The following JMY variants were observed in gnomAD, a reference collection of about 807,000 sequenced individuals.
JMY encodes junction mediating and regulatory protein, p53 cofactor.
JMY carries 46 observed loss-of-function variants against 103.3 expected under a neutral mutation model. The observed-to-expected ratio is 0.45, with a 90% CI of 0.35 to 0.57. The LOEUF is 0.57. Ranked by LOEUF, JMY falls within the 20% of genes least tolerant of loss-of-function variation. The pLI is 0.00. For synonymous variants in JMY, 526 were observed against 489.3 expected (o/e 1.07, Z -0.99); for missense variants, 1,238 against 1,255.2 (o/e 0.99, Z 0.21).
At chr5:79,256,761 TC>T (rs1449610899) in intron 1 of JMY, among the ~76,000 whole-genome samples, 2 of 132,596 alleles carry the variant, frequency 1.5e-5, no homozygotes, top group Non-Finnish European at 3.2e-5. Context: ...CCTTCCTCCC[TC>T]CCCCACCCTT....
chr5:79,290,030 A>G (rs932644117), intron 2 of JMY, 91 bp from the exon 3 acceptor site: 1 of 851,522 alleles, frequency 1.2e-6, no homozygotes, highest in Middle Eastern at 2.6e-4. Flanking sequence ...GGGAAGAACA[A>G]GTATTCTTTG....
At position 79,271,141 on chromosome 5, in the gene JMY, C is replaced by T. The variant is rs7705192; in HGVS notation, c.1033-6769C>T. Reference sequence around the variant, plus strand: ...AGGGCAGTGGCATGATCAGGACTCACTGCAGCCTTGACTTCACAGGGTCAA... The same window carrying T: ...AGGGCAGTGGCATGATCAGGACTCATTGCAGCCTTGACTTCACAGGGTCAA... On this transcript the variant is annotated intron_variant, in intron 1 of 10. Coordinates refer to ENST00000396137, the MANE Select transcript of JMY (RefSeq NM_152405.5). 2.2e-3 allele frequency among the ~76,000 whole-genome samples: 327 copies of T among 151,840 alleles called. 1 individual carries two copies. Among genetic ancestry groups the T allele is most frequent in the African/African-American group, 7.4e-3 (308 of 41,408 alleles).
chr5:79,310,891 A>T (rs948712581), intron 7 of JMY, among the ~76,000 whole-genome samples: 9 of 152,110 alleles, frequency 5.9e-5, no homozygotes, highest in African/African-American at 2.2e-4. Flanking sequence ...CTGTAATCCT[A>T]GCCTTTGGGA....
At position 79,258,330 on chromosome 5, in the gene JMY, T is replaced by G. The variant is rs867042014; in HGVS notation, c.1033-19580T>G. Among the ~76,000 whole-genome samples the G allele has an allele frequency of 5.6e-3, 770 of 138,562 alleles. 7 individuals carry two copies. Among genetic ancestry groups the G allele is most frequent in the African/African-American group, 0.019 (737 of 39,142 alleles). The allele number at this position is 138,562 out of a possible 152,430, so 90.9% of individuals were successfully genotyped here. A position where few individuals can be genotyped will look rare whatever the true frequency, so the allele number is the denominator to read the frequency against. ...GTTTTTGTTGTTTTTTTTTTTTTTT[T>G]GACAGGGTCTCCCTCTGGCTGGAGT... On this transcript the variant is annotated intron_variant, in intron 1 of 10. Coordinates refer to ENST00000396137, the MANE Select transcript of JMY (RefSeq NM_152405.5).
intron 1 of JMY, among the ~76,000 whole-genome samples, chr5:79,251,787 A>T (rs1476377329): frequency 6.7e-6 from 1 of 149,278 alleles, no homozygotes; most frequent in Non-Finnish European, 1.5e-5. Context: ...TTATTTATTT[A>T]TTTTTTGAGA....
In JMY at chr5:79,314,514, T is replaced by C. The variant is rs1168997499; in HGVS notation, c.2322T>C (p.Ser774=). ...TTGAAGCCACCTCATTACCTCTCAGTGGTGTTACCTCTGAACTGCCTCCCA... is the reference window on the plus strand; with the variant it reads ...TTGAAGCCACCTCATTACCTCTCAGCGGTGTTACCTCTGAACTGCCTCCCA... The part of the protein sequence containing the change: ...TQLEATSLPL[S]GVTSELPPTI... Residue 774 remains serine, a synonymous_variant, in exon 9 of 11, where the codon AGT becomes AGC. Transcript: ENST00000396137. The C allele has an allele frequency of 2.5e-6, 4 of 1,613,566 alleles. No homozygotes were observed. Among genetic ancestry groups the C allele is most frequent in the Non-Finnish European group, 3.4e-6 (4 of 1,179,564 alleles).
intron 1 of JMY, among the ~76,000 whole-genome samples, chr5:79,253,389 T>C (rs1326001701): frequency 1.3e-5 from 2 of 151,632 alleles, no homozygotes; most frequent in Non-Finnish European, 2.9e-5. Flanking sequence ...GCCTCCTGGG[T>C]TCAAGCGATT....
chr5:79,259,652 G>T (rs1414750863), intron 1 of JMY, among the ~76,000 whole-genome samples: 1 of 152,256 alleles, frequency 6.6e-6, no homozygotes, highest in African/African-American at 2.4e-5. Context: ...GCAGCAGGCT[G>T]AAGTGGCAGG....
chr5:79,297,335 A>G (rs1870058), intron 4 of JMY, among the ~76,000 whole-genome samples: 107,518 of 152,032 alleles, frequency 0.71, 39,060 homozygotes, highest in African/African-American at 0.9. Flanking sequence ...CTGCTCTCAG[A>G]TATAAAAAAG....
At chr5:79,266,861 AG>A in intron 1 of JMY, among the ~76,000 whole-genome samples, 1 of 152,358 alleles carries the variant, frequency 6.6e-6, no homozygotes, top group Non-Finnish European at 1.5e-5. Context: ...TACAAAAAAT[AG>A]GTGTCAGCAG....
chr5:79,284,334 T>C lies in JMY; in HGVS notation c.1207-5787T>C, dbSNP rs566718230. Reference sequence around the variant, plus strand: ...AGGATAGATTGGCAAGCCTTTTCTATGTCTTTTCCAATGCTGTCTGGAATC... The same window carrying C: ...AGGATAGATTGGCAAGCCTTTTCTACGTCTTTTCCAATGCTGTCTGGAATC... On this transcript the variant is annotated intron_variant, in intron 2 of 10. Coordinates refer to ENST00000396137, the MANE Select transcript of JMY (RefSeq NM_152405.5). 13 of 1,335,912 alleles carry C rather than the reference T, an allele frequency of 9.7e-6. No individual in the cohort carries two copies. In the South Asian group the frequency reaches 1.4e-4, roughly 14 times the overall value. The allele number at this position is 1,335,912 out of a possible 1,614,324, so 82.8% of individuals were successfully genotyped here. A position where few individuals can be genotyped will look rare whatever the true frequency, so the allele number is the denominator to read the frequency against.
At chr5:79,238,646 T>G (rs1363695328) in intron 1 of JMY, among the ~76,000 whole-genome samples, 3 of 138,054 alleles carry the variant, frequency 2.2e-5, no homozygotes, top group African/African-American at 7.8e-5. Context: ...CCTCCGCGCC[T>G]TCTTTTTTTT....
chr5:79,300,185 A>G lies in JMY; in HGVS notation c.1560A>G (p.Ile520Met). ...GTTTGCGGGGTGGTACAGAAGCGAT[A>G]GCACGATTGGATCAGTTAGAAGCTG... ...MQSLRGGTEAIARLDQLEADY... is the reference protein window; with the variant it reads ...MQSLRGGTEAMARLDQLEADY... The change falls in exon 5 of 11, where the codon ATA becomes ATG. Residue 520 changes from isoleucine to methionine, a missense_variant. Transcript: ENST00000396137. The G allele has an allele frequency of 1.2e-6, 2 of 1,613,620 alleles. No homozygotes were observed. Among genetic ancestry groups the G allele is most frequent in the Non-Finnish European group, 1.7e-6 (2 of 1,179,768 alleles).
intron 2 of JMY, among the ~76,000 whole-genome samples, chr5:79,280,723 T>C (rs1032375097): frequency 2.0e-5 from 3 of 152,232 alleles, no homozygotes; most frequent in Admixed American, 1.3e-4. Flanking sequence ...AGTTGGGTAC[T>C]CTTATTATTT....
Position 79,236,330 on chromosome 5 carries a change from C to T in JMY, c.-321C>T, listed in dbSNP as rs539581871. On this transcript the variant is annotated 5_prime_UTR_variant, in exon 1 of 11. Coordinates refer to ENST00000396137, the MANE Select transcript of JMY (RefSeq NM_152405.5). ...CACCACCGGAGCGCCGCAGACGCAG[C>T]TCCACGGCCTCGCGCGGGGGGCGGC... The T allele has an allele frequency of 4.2e-3, 902 of 212,386 alleles. 3 individuals carry two copies. Among genetic ancestry groups the T allele is most frequent in the Non-Finnish European group, 6.4e-3 (686 of 107,828 alleles). 13.2% of individuals were successfully genotyped at this position (212,386 alleles called of 1,614,324 possible). A position where few individuals can be genotyped will look rare whatever the true frequency, so the allele number is the denominator to read the frequency against.
Position 79,317,411 on chromosome 5 carries a change from T to C in JMY, c.*3+1101T>C, listed in dbSNP as rs139246591. On this transcript the variant is annotated intron_variant, in intron 10 of 10. Transcript: ENST00000396137. ...GTCTACTACATTTTAATATACTAAT[T>C]ATAGAGTAATATGGCACAGATTACA... 4.5e-3 allele frequency among the ~76,000 whole-genome samples: 681 copies of C among 152,226 alleles called. 4 individuals are homozygous for C. The highest frequency in any genetic ancestry group is 0.016 in the African/African-American group (646 of 41,530).
intron 1 of JMY, among the ~76,000 whole-genome samples, chr5:79,246,265 G>A (rs925498268): frequency 2.6e-5 from 4 of 152,018 alleles, no homozygotes; most frequent in East Asian, 1.9e-4. Flanking sequence ...TCTCCTTGCC[G>A]TCCTATCTAG....
At chr5:79,287,596 T>C (rs1022020813) in intron 2 of JMY, among the ~76,000 whole-genome samples, 4 of 152,096 alleles carry the variant, frequency 2.6e-5, no homozygotes, top group Admixed American at 2.6e-4. Flanking sequence ...AGTGCGCTAA[T>C]GATTGTGCCT....
intron 8 of JMY, among the ~76,000 whole-genome samples, 187 bp from the exon 9 acceptor site, chr5:79,314,070 G>C (rs1214408797): frequency 6.6e-6 from 1 of 152,174 alleles, no homozygotes; most frequent in Non-Finnish European, 1.5e-5. Flanking sequence ...TGTCGGCCAG[G>C]CTGGTCTCAA....
Sources: allele counts gnomAD v4.1 joint callset (sites outside exome capture counted in the v4.1 genomes callset), GRCh38; gene constraint gnomAD v4.1.1; transcripts MANE v1.5; gene names NCBI Gene and HGNC (gene_info 2026-07-23, HGNC 2026-07-21).